OGFOD3: variants seen among roughly 807,000 people sequenced by gnomAD.
The protein encoded by OGFOD3 is 2-oxoglutarate and iron dependent oxygenase domain containing 3, also known as 2-oxoglutarate and iron-dependent oxygenase domain-containing protein 3.
In OGFOD3, 35 loss-of-function variants were observed where a neutral mutation model predicts 39.8. The observed-to-expected ratio is 0.88, with a 90% CI of 0.67 to 1.17. The LOEUF is 1.17. Ranked by LOEUF, OGFOD3 falls within the 50% of genes most tolerant of loss-of-function variation. OGFOD3 has a pLI of 0.00. For missense variants in OGFOD3, 438 were observed against 454.5 expected, an observed-to-expected ratio of 0.96 and a Z score of 0.33; for synonymous variants, 200 against 192.0, an observed-to-expected ratio of 1.04 and a Z score of -0.34.
chr17:82,398,187 G>A lies in OGFOD3; in HGVS notation c.823+9C>T, dbSNP rs763054098. On this transcript the variant is annotated intron_variant, in intron 8 of 8. Transcript: ENST00000313056. Reference sequence around the variant, plus strand: ...AGCCCCACGCCCAGGCCCCGCCCGCGCCTCCTACCAGCTCTCGGCTCCACC... The same window carrying A: ...AGCCCCACGCCCAGGCCCCGCCCGCACCTCCTACCAGCTCTCGGCTCCACC... The A allele has an allele frequency of 6.8e-5, 110 of 1,613,784 alleles. No homozygotes were observed. The East Asian group carries it at 2.1e-3, about 30-fold the overall frequency.
At chr17:82,409,483 C>G in intron 3 of OGFOD3, 73 bp from the exon 4 acceptor site, 1 of 1,409,534 alleles carries the variant, frequency 7.1e-7, no homozygotes, top group South Asian at 1.2e-5. Context: ...AAACGTCAAT[C>G]AGCAAAATTA....
At chr17:82,397,825 A>C (rs892083470) in intron 8 of OGFOD3, among the ~76,000 whole-genome samples, 13 of 152,090 alleles carry the variant, frequency 8.5e-5, no homozygotes, top group Non-Finnish European at 1.5e-4. Context: ...GGCCTCGTCT[A>C]ATCTTAGGTT....
At chr17:82,402,747 TAA>T (rs532884299) in intron 7 of OGFOD3, among the ~76,000 whole-genome samples, 3 of 128,158 alleles carry the variant, frequency 2.3e-5, no homozygotes, top group Admixed American at 7.9e-5. Flanking sequence ...AACTCCATCT[TAA>T]AAAAAAAAAA....
At position 82,418,391 on chromosome 17, in the gene OGFOD3, C is replaced by G. The variant is rs761598896; in HGVS notation, c.74+21G>C. ...CCCTGTCCGCCGCCGCAGCGCGCGC[C>G]CTTCCCCTCCTCACCGCTACCTGCT... is the stretch of plus-strand genomic sequence containing the variant. On this transcript the variant is annotated intron_variant, in intron 1 of 8. Transcript: ENST00000313056. 2.7e-6 allele frequency: 4 copies of G among 1,467,978 alleles called. No individual in the cohort carries two copies. The African/African-American group carries it at 5.9e-5, about 22-fold the overall frequency. The allele number at this position is 1,467,978 out of a possible 1,614,324, so 90.9% of individuals were successfully genotyped here. A position where few individuals can be genotyped will look rare whatever the true frequency, so the allele number is the denominator to read the frequency against.
intron 2 of OGFOD3, among the ~76,000 whole-genome samples, chr17:82,412,051 T>C (rs1171145695): frequency 1.6e-5 from 1 of 61,460 alleles, no homozygotes. Context: ...CTGGGACCAC[T>C]GGCGCAGAAA....
chr17:82,417,530 A>T (rs372168142), intron 1 of OGFOD3, among the ~76,000 whole-genome samples: 1 of 151,706 alleles, frequency 6.6e-6, no homozygotes, highest in Non-Finnish European at 1.5e-5. Context: ...GAGGCAGGAG[A>T]ATCTCTTGAA....
chr17:82,411,517 T>C lies in OGFOD3; in HGVS notation c.318A>G (p.Arg106=), dbSNP rs1567874116. 5.0e-6 allele frequency: 8 copies of C among 1,614,082 alleles called. No individual in the cohort carries two copies. The highest frequency in any genetic ancestry group is 5.9e-6 in the Non-Finnish European group (7 of 1,179,996). ...SHRRFEGCTP[R]KCGRGVTDVV... ...CATCGGTGACACCTCTGCCGCACTTTCGGGGAGTGCAGCCTGTGAAGGGAC... is the reference window on the plus strand; with the variant it reads ...CATCGGTGACACCTCTGCCGCACTTCCGGGGAGTGCAGCCTGTGAAGGGAC... The change falls in exon 3 of 9, where the codon CGA becomes CGG. Residue 106 remains arginine (R), a synonymous_variant. Transcript: ENST00000313056.
rs2052805143 is a variant in OGFOD3 at position 82,403,815 on chromosome 17, C to CCCACGGGCACGCTCACCTTGT, written c.699+101_699+121dup. The CCCACGGGCACGCTCACCTTGT allele has an allele frequency of 9.8e-6, 13 of 1,324,296 alleles. 1 individual carries two copies. In the African/African-American group the frequency reaches 1.2e-4, roughly 12 times the overall value. The allele number at this position is 1,324,296 out of a possible 1,614,324, so 82.0% of individuals were successfully genotyped here. A position where few individuals can be genotyped will look rare whatever the true frequency, so the allele number is the denominator to read the frequency against. On this transcript the variant is annotated intron_variant, in intron 7 of 8. Transcript: ENST00000313056. ...CCTGCCCACGTACGCACTCACCCTG[C>CCCACGGGCACGCTCACCTTGT]CCACGGGCACGCTCACCTTGTCCAC...
rs1324245926 is a variant in OGFOD3, at chr17:82,418,499, C to T, written c.-14G>A. ...CTGAGGAGCCATCGGACCAGGCCGC[C>T]GCGGAGCCGGGCCGGACGCGGGCGC... On this transcript the variant is annotated 5_prime_UTR_variant, in exon 1 of 9. Transcript: ENST00000313056. 1 of 1,370,778 alleles carries T rather than the reference C, an allele frequency of 7.3e-7. No individual in the cohort carries two copies. The highest frequency in any genetic ancestry group is 9.4e-7 in the Non-Finnish European group (1 of 1,063,080). The allele number at this position is 1,370,778 out of a possible 1,614,324, so 84.9% of individuals were successfully genotyped here.
At position 82,418,479 on chromosome 17, in the gene OGFOD3, G is replaced by A. The variant is rs761016972; in HGVS notation, c.7C>T (p.Pro3Ser). Residue 3 changes from proline to serine, a missense_variant, in exon 1 of 9, where the codon CCT becomes TCT. By Grantham distance (74) the Pro-to-Ser change is moderately conservative. Coordinates refer to ENST00000313056, the MANE Select transcript of OGFOD3 (RefSeq NM_024648.3). ...GCCTTGGTTGCGGCCCTCCGCTGAG[G>A]AGCCATCGGACCAGGCCGCCGCGGA... MA[P>S]QRRAATKAPE... 176 of 1,462,288 alleles carry A rather than the reference G, an allele frequency of 1.2e-4. No homozygotes were observed. The highest frequency in any genetic ancestry group is 1.5e-4 in the Non-Finnish European group (168 of 1,112,042). 90.6% of individuals were successfully genotyped at this position (1,462,288 alleles called of 1,614,324 possible).
chr17:82,410,428 G>A (rs1304116864), intron 3 of OGFOD3, among the ~76,000 whole-genome samples: 2 of 152,230 alleles, frequency 1.3e-5, no homozygotes, highest in African/African-American at 4.8e-5. Flanking sequence ...TCCAGCACCA[G>A]TAGCCTCTGA....
At position 82,400,189 on chromosome 17, in the gene OGFOD3, G is replaced by A. The variant is rs747454433; in HGVS notation, c.700-1870C>T. The stretch of plus-strand genomic sequence containing the variant: ...CCCAGTCTCAGGTGGTGCCCTGGGC[G>A]GTGGGTCAAGCTCCCTCCCCCCTGC... On this transcript the variant is annotated intron_variant, in intron 7 of 8. Transcript: ENST00000313056. Among the ~76,000 whole-genome samples, 11 of 152,158 alleles carry A rather than the reference G, an allele frequency of 7.2e-5. No homozygotes were observed. The East Asian group carries it at 7.7e-4, about 11-fold the overall frequency.
In OGFOD3 at chr17:82,404,164, G is replaced by T; in HGVS notation, c.546-74C>A. 6.9e-7 allele frequency: 1 copy of T among 1,454,962 alleles called. No homozygotes were observed. The highest frequency in any genetic ancestry group is 9.1e-7 in the Non-Finnish European group (1 of 1,097,488). 90.1% of individuals were successfully genotyped at this position (1,454,962 alleles called of 1,614,324 possible). On this transcript the variant is annotated intron_variant, in intron 6 of 8. Coordinates refer to ENST00000313056, the MANE Select transcript of OGFOD3 (RefSeq NM_024648.3). This position sits in a 1 kb window ranked among gnomAD's most constrained non-coding sequence, Gnocchi z 4.5. The stretch of plus-strand genomic sequence containing the variant: ...GCTCGTGGGTCCCAACCCGTGGGTG[G>T]CAGGAAAGGAACCAGCCTTCGTACG...
At chr17:82,405,412 A>C in intron 5 of OGFOD3, 32 bp from the exon 6 acceptor site, 1 of 1,555,022 alleles carries the variant, frequency 6.4e-7, no homozygotes, top group African/African-American at 1.4e-5. Flanking sequence ...CAAAGGTCAC[A>C]ACACTTCATT....
At chr17:82,411,393 G>A (rs1281620193) in intron 3 of OGFOD3, 62 bp downstream of exon 3, 4 of 1,457,126 alleles carry the variant, frequency 2.7e-6, no homozygotes, top group Non-Finnish European at 3.8e-6. Context: ...TCTGCTTCCC[G>A]CCCTAGCCCC....
At chr17:82,416,095 G>C (rs1057187494) in intron 1 of OGFOD3, among the ~76,000 whole-genome samples, 2 of 151,962 alleles carry the variant, frequency 1.3e-5, no homozygotes, top group Non-Finnish European at 2.9e-5. Context: ...AATTAACCGG[G>C]TGTGGTGGCA....
rs1272751195 is a variant in OGFOD3 at position 82,389,561 on chromosome 17, G to A, written c.*2837C>T. Reference sequence around the variant, plus strand: ...GCTGTCTCCCAGGCTGGAATGCAGTGGAGCCGTCACAGCTCACTGTAGCCT... The same window carrying A: ...GCTGTCTCCCAGGCTGGAATGCAGTAGAGCCGTCACAGCTCACTGTAGCCT... On this transcript the variant is annotated 3_prime_UTR_variant, in exon 9 of 9. Transcript: ENST00000313056. The surrounding 1 kb of genome is among the most constrained non-coding windows in gnomAD (Gnocchi z 4.6). 2 of 152,180 alleles carry A rather than the reference G, an allele frequency of 1.3e-5. No individual in the cohort carries two copies. Among genetic ancestry groups the A allele is most frequent in the African/African-American group, 4.8e-5 (2 of 41,430 alleles). 9.4% of individuals were successfully genotyped at this position (152,180 alleles called of 1,614,324 possible).
rs761436779 is a variant in OGFOD3 at position 82,403,917 on chromosome 17, C to T, written c.699+20G>A. Reference sequence around the variant, plus strand: ...CACCTTGTCCACGGGCACGCTCACCCTGCCCACGGGCGCGCTCACCTTGTC... The same window carrying T: ...CACCTTGTCCACGGGCACGCTCACCTTGCCCACGGGCGCGCTCACCTTGTC... On this transcript the variant is annotated intron_variant, in intron 7 of 8. Transcript: ENST00000313056. 1 of 1,590,654 alleles carries T rather than the reference C, an allele frequency of 6.3e-7. No homozygotes were observed. The highest frequency in any genetic ancestry group is 2.3e-5 in the East Asian group (1 of 44,144).
rs2052827168 is a variant in OGFOD3 at position 82,404,742 on chromosome 17, T to C, written c.545+582A>G. Among the ~76,000 whole-genome samples the C allele has an allele frequency of 7.9e-6, 1 of 125,862 alleles. No homozygotes were observed. The highest frequency in any genetic ancestry group is 2.1e-4 in the East Asian group (1 of 4,850). 82.6% of individuals were successfully genotyped at this position (125,862 alleles called of 152,430 possible). A position where few individuals can be genotyped will look rare whatever the true frequency, so the allele number is the denominator to read the frequency against. On this transcript the variant is annotated intron_variant, in intron 6 of 8. Transcript: ENST00000313056. This position sits in a 1 kb window ranked among gnomAD's most constrained non-coding sequence, Gnocchi z 4.5. ...CAGCAGAATTTTTTCTTTTCTTTTCTTTTTTTTTTTTTTTTTTGAGATGAG... is the reference window on the plus strand; with the variant it reads ...CAGCAGAATTTTTTCTTTTCTTTTCCTTTTTTTTTTTTTTTTTGAGATGAG...
Sources: allele counts gnomAD v4.1 joint callset (sites outside exome capture counted in the v4.1 genomes callset), GRCh38; gene constraint gnomAD v4.1.1; non-coding constraint Gnocchi (gnomAD v3.1); transcripts MANE v1.5; gene names NCBI Gene and HGNC (gene_info 2026-07-23, HGNC 2026-07-21).